Variants in TBC1D5 observed in about 807,000 individuals in gnomAD.
The protein encoded by TBC1D5 is TBC1 domain family member 5.
A neutral mutation model predicts 100.3 loss-of-function variants in TBC1D5; 75 were observed. The ratio of observed to expected loss-of-function variants is 0.75; its 90% CI spans 0.62 to 0.91. TBC1D5 has a LOEUF of 0.91. TBC1D5 is among the 40% of genes least tolerant of loss of function. TBC1D5 has a pLI of 0.00. For missense variants in TBC1D5, 910 were observed against 942.4 expected, an observed-to-expected ratio of 0.97 and a Z score of 0.45; for synonymous variants, 323 against 325.6, an observed-to-expected ratio of 0.99 and a Z score of 0.09.
intron 2 of TBC1D5, among the ~76,000 whole-genome samples, chr3:17,539,806 G>A (rs1443337509): frequency 6.6e-6 from 1 of 152,178 alleles, no homozygotes; most frequent in African/African-American, 2.4e-5. Context: ...GAACATGGGT[G>A]TATAAATTGT....
At chr3:17,176,650 G>A (rs925606786) in intron 19 of TBC1D5, among the ~76,000 whole-genome samples, 1 of 152,030 alleles carries the variant, frequency 6.6e-6, no homozygotes, top group East Asian at 1.9e-4. Context: ...GGGCCTGTTG[G>A]AGGGTGAGGG....
intron 13 of TBC1D5, among the ~76,000 whole-genome samples, chr3:17,329,323 G>A (rs993107606): frequency 3.5e-4 from 53 of 152,150 alleles, no homozygotes; most frequent in African/African-American, 1.3e-3. Context: ...AATAAAAGGT[G>A]ATATTCAGCT....
chr3:17,673,301 C>G (rs1465054610), intron 1 of TBC1D5, among the ~76,000 whole-genome samples: 1 of 119,310 alleles, frequency 8.4e-6, no homozygotes, highest in East Asian at 4.1e-4. Flanking sequence ...TCTGTACTTT[C>G]TTTTCTTTTC....
Position 17,161,010 on chromosome 3 carries a change from TGTC to T in TBC1D5, c.2338_2340del (p.Asp780del), listed in dbSNP as rs1575661907. The T allele has an allele frequency of 1.9e-6, 3 of 1,614,210 alleles. No homozygotes were observed. The East Asian group carries it at 6.7e-5, about 36-fold the overall frequency. ...ATGGTGAAGCCAGAGTCCTTGCTGC[TGTC>T]GTCATCAGGACTGGAGCTGGGGTTG... is the stretch of plus-strand genomic sequence containing the variant. On this transcript the variant is annotated inframe_deletion, in exon 22 of 22. Transcript: ENST00000253692.
At chr3:17,452,215 C>T (rs2094944491) in intron 3 of TBC1D5, among the ~76,000 whole-genome samples, 1 of 151,892 alleles carries the variant, frequency 6.6e-6, no homozygotes, top group African/African-American at 2.4e-5. Flanking sequence ...CAGAGAAAAT[C>T]AACTTCGCTA....
intron 1 of TBC1D5, among the ~76,000 whole-genome samples, chr3:17,624,870 T>G (rs1352373472): frequency 1.3e-5 from 2 of 152,104 alleles, no homozygotes; most frequent in Non-Finnish European, 2.9e-5. Flanking sequence ...AAACAACACG[T>G]AACTTTTATG....
chr3:17,726,000 G>A (rs1454004721), intron 1 of TBC1D5, among the ~76,000 whole-genome samples: 2 of 152,154 alleles, frequency 1.3e-5, no homozygotes, highest in African/African-American at 4.8e-5. Context: ...GTTCACTTGG[G>A]ATAATGGCTT....
chr3:17,724,011 T>C (rs1252954329), intron 1 of TBC1D5, among the ~76,000 whole-genome samples: 1 of 152,146 alleles, frequency 6.6e-6, no homozygotes, highest in African/African-American at 2.4e-5. Context: ...AAAATGTCTA[T>C]TTCACTATTT....
chr3:17,298,830 G>T (rs1348790627), intron 14 of TBC1D5, among the ~76,000 whole-genome samples: 2 of 152,118 alleles, frequency 1.3e-5, no homozygotes, highest in Non-Finnish European at 2.9e-5. Context: ...ACAGTAAAAA[G>T]ATCAGTAGTT....
intron 3 of TBC1D5, among the ~76,000 whole-genome samples, chr3:17,443,407 A>C (rs756158459): frequency 1.3e-5 from 2 of 152,232 alleles, no homozygotes; most frequent in African/African-American, 4.8e-5. Context: ...CTATAGTTCA[A>C]CAATGTATAG....
intron 17 of TBC1D5, among the ~76,000 whole-genome samples, chr3:17,227,682 C>A (rs534224306): frequency 7.2e-5 from 11 of 151,888 alleles, no homozygotes; most frequent in African/African-American, 2.7e-4. Flanking sequence ...GAACAACAGA[C>A]ACTGGGGCTT....
rs146266184 is a variant in TBC1D5 at position 17,636,316 on chromosome 3, C to A, written c.-100-12403G>T. On this transcript the variant is annotated intron_variant, in intron 1 of 21. Coordinates refer to ENST00000253692, the Ensembl canonical transcript of TBC1D5. ...ATTTCTGATCCTGTGACTCCCCTAT[C>A]CCTATGAGATACTTTTATTATTCCT... Among the ~76,000 whole-genome samples the A allele has an allele frequency of 1.1e-4, 16 of 152,230 alleles. 1 individual carries two copies. In the East Asian group the frequency reaches 3.1e-3, roughly 29 times the overall value.
intron 17 of TBC1D5, among the ~76,000 whole-genome samples, chr3:17,235,796 G>A (rs1273215760): frequency 1.3e-5 from 2 of 152,082 alleles, no homozygotes; most frequent in South Asian, 2.1e-4. Context: ...ATCTTCTATC[G>A]TCTACTTCCA....
At chr3:17,706,858 C>T (rs2074235055) in intron 1 of TBC1D5, among the ~76,000 whole-genome samples, 2 of 150,402 alleles carry the variant, frequency 1.3e-5, no homozygotes, top group Admixed American at 6.6e-5. Flanking sequence ...TTAAGAAAGA[C>T]CTTTTTTTTT....
intron 15 of TBC1D5, among the ~76,000 whole-genome samples, chr3:17,273,756 G>C (rs950567608): frequency 6.7e-6 from 1 of 148,454 alleles, no homozygotes; most frequent in African/African-American, 2.5e-5. Flanking sequence ...GCAGTGAGCT[G>C]AGATCGCGCC....
intron 2 of TBC1D5, among the ~76,000 whole-genome samples, chr3:17,577,648 G>T (rs898875628): frequency 1.3e-5 from 2 of 151,632 alleles, no homozygotes; most frequent in African/African-American, 4.8e-5. Context: ...AAGAATAAAA[G>T]GTTATTATAT....
intron 3 of TBC1D5, among the ~76,000 whole-genome samples, chr3:17,446,764 G>A (rs1461678747): frequency 6.6e-6 from 1 of 152,224 alleles, no homozygotes; most frequent in Non-Finnish European, 1.5e-5. Flanking sequence ...GACGTCAGGA[G>A]ATTGAGACCA....
At chr3:17,385,730 C>G (rs2093127053) in intron 8 of TBC1D5, among the ~76,000 whole-genome samples, 1 of 151,768 alleles carries the variant, frequency 6.6e-6, no homozygotes, top group African/African-American at 2.4e-5. Flanking sequence ...AGCAAGGAAG[C>G]CTCTTTTTGG....
intron 14 of TBC1D5, among the ~76,000 whole-genome samples, chr3:17,294,934 A>T (rs112955255): frequency 6.6e-6 from 1 of 152,228 alleles, no homozygotes; most frequent in Admixed American, 6.5e-5. Flanking sequence ...ATCTGACACA[A>T]TAAGAATTTA....
Sources: gnomAD v4.1 joint callset for allele counts (sites outside exome capture counted in the v4.1 genomes callset) on GRCh38, gnomAD v4.1.1 for gene constraint, MANE v1.5 for transcripts, NCBI Gene and HGNC (gene_info 2026-07-23, HGNC 2026-07-21) for gene names.